Variants in CNBD1 observed in about 807,000 individuals in gnomAD.
CNBD1 encodes cyclic nucleotide binding domain containing 1.
CNBD1 carries 71 observed loss-of-function variants against 54.4 expected under a neutral mutation model. The observed-to-expected ratio is 1.30, with a 90% CI of 1.08 to 1.59. The LOEUF (loss-of-function observed/expected upper bound fraction) is 1.59, where lower values mean the gene tolerates loss of function less well. Among genes scored for constraint, CNBD1 ranks in the 40% most tolerant of loss-of-function variants. The probability of loss-of-function intolerance (pLI) is 0.00; values close to 1 mark genes in which losing one functional copy is unlikely to be tolerated. For synonymous variants in CNBD1, 182 were observed against 170.7 expected (o/e 1.07, Z -0.51); for missense variants, 659 against 518.0 (o/e 1.27, Z -2.64).
At chr8:87,321,132 T>C (rs1219081835) in intron 8 of CNBD1, among the ~76,000 whole-genome samples, 1 of 126,078 alleles carries the variant, frequency 7.9e-6, no homozygotes, top group Non-Finnish European at 1.8e-5. Flanking sequence ...TTGTGAATAA[T>C]GCTACAACAG....
intron 2 of CNBD1, among the ~76,000 whole-genome samples, chr8:87,395,520 T>C (rs942194183): frequency 6.6e-6 from 1 of 151,776 alleles, no homozygotes; most frequent in Non-Finnish European, 1.5e-5. Flanking sequence ...CTGAGTATAA[T>C]AGAAGTATAA....
At chr8:87,201,658 A>G (rs757770969) in intron 4 of CNBD1, among the ~76,000 whole-genome samples, 2 of 152,230 alleles carry the variant, frequency 1.3e-5, no homozygotes, top group African/African-American at 2.4e-5. Context: ...AAATGAATTT[A>G]AGAAAAATGT....
rs565567736 is a variant in CNBD1, at chr8:87,382,479, C to T, written c.1304-141C>T. The T allele has an allele frequency of 4.7e-5, 27 of 577,734 alleles. No individual in the cohort carries two copies. The South Asian group carries it at 7.1e-4, about 15-fold the overall frequency. 35.8% of individuals were successfully genotyped at this position (577,734 alleles called of 1,614,324 possible). A position where few individuals can be genotyped will look rare whatever the true frequency, so the allele number is the denominator to read the frequency against. On this transcript the variant is annotated intron_variant, in intron 10 of 10. Transcript: ENST00000518476. ...TGTTACATTATTTCTAGAATAAGCT[C>T]TGACAATATTATTTTTTTCTTTTAA...
chr8:87,224,752 T>C (rs1814437880), intron 5 of CNBD1, among the ~76,000 whole-genome samples: 1 of 151,048 alleles, frequency 6.6e-6, no homozygotes, highest in Admixed American at 6.6e-5. Context: ...ATATGAACTT[T>C]AAAGTAGTTT....
At chr8:86,960,409 A>T (rs191580489) in intron 4 of CNBD1, among the ~76,000 whole-genome samples, 1 of 152,202 alleles carries the variant, frequency 6.6e-6, no homozygotes, top group East Asian at 1.9e-4. Flanking sequence ...CTGAGATCGA[A>T]CTGCAAGGTG....
At chr8:87,394,825 G>A (rs4614015) in intron 2 of CNBD1, among the ~76,000 whole-genome samples, 22,864 of 151,568 alleles carry the variant, frequency 0.15, 2,104 homozygotes, top group Admixed American at 0.26. Flanking sequence ...TTTTTCTGCT[G>A]GTTTTTAAAA....
chr8:86,915,759 G>C (rs192168637), intron 3 of CNBD1, among the ~76,000 whole-genome samples: 1 of 152,330 alleles, frequency 6.6e-6, no homozygotes, highest in East Asian at 1.9e-4. Context: ...GCATTAGAGT[G>C]AATGTGCATT....
At chr8:87,033,592 A>C (rs1686314849) in intron 4 of CNBD1, among the ~76,000 whole-genome samples, 1 of 152,216 alleles carries the variant, frequency 6.6e-6, no homozygotes, top group African/African-American at 2.4e-5. Context: ...TGAATTGCAC[A>C]AAACTGTAGA....
At chr8:87,291,639 G>A (rs924610263) in intron 8 of CNBD1, among the ~76,000 whole-genome samples, 1 of 151,852 alleles carries the variant, frequency 6.6e-6, no homozygotes, top group Non-Finnish European at 1.5e-5. Flanking sequence ...TTTGTTAATC[G>A]CCTTATTTTT....
At chr8:86,948,688 T>C (rs1250230951) in intron 4 of CNBD1, among the ~76,000 whole-genome samples, 1 of 152,190 alleles carries the variant, frequency 6.6e-6, no homozygotes, top group Non-Finnish European at 1.5e-5. Flanking sequence ...AGTTTGCAAA[T>C]ATTTTCCCCC....
At chr8:87,405,275 C>T (rs1440815562) in intron 2 of CNBD1, among the ~76,000 whole-genome samples, 1 of 151,920 alleles carries the variant, frequency 6.6e-6, no homozygotes, top group Admixed American at 6.6e-5. Flanking sequence ...AATTTATATA[C>T]TTTTTATCAA....
intron 6 of CNBD1, among the ~76,000 whole-genome samples, chr8:87,269,555 G>C (rs950272174): frequency 6.6e-6 from 1 of 152,056 alleles, no homozygotes; most frequent in Non-Finnish European, 1.5e-5. Context: ...CCACGAGCAT[G>C]GAATATTTTT....
chr8:87,363,041 C>A (rs147314585), intron 10 of CNBD1, among the ~76,000 whole-genome samples: 2,843 of 152,046 alleles, frequency 0.019, 89 homozygotes, highest in African/African-American at 0.062. Flanking sequence ...GTGTGATGTT[C>A]CCCTCCCTGT....
intron 8 of CNBD1, among the ~76,000 whole-genome samples, chr8:87,329,370 G>T (rs1809765462): frequency 1.3e-5 from 2 of 151,972 alleles, no homozygotes; most frequent in Non-Finnish European, 2.9e-5. Flanking sequence ...CTTCAATATT[G>T]TATTGGCTAT....
intron 2 of CNBD1, among the ~76,000 whole-genome samples, chr8:87,413,019 T>G (rs950634378): frequency 4.6e-5 from 7 of 151,918 alleles, no homozygotes; most frequent in Non-Finnish European, 1.0e-4. Context: ...ACAACAGAAC[T>G]CGGGTTTAGG....
chr8:87,142,905 G>GTTATA (rs10680639), intron 4 of CNBD1, among the ~76,000 whole-genome samples: 1 of 152,026 alleles, frequency 6.6e-6, no homozygotes, highest in African/African-American at 2.4e-5. Context: ...TTCAACAAAT[G>GTTATA]TTGAGTTTCT....
chr8:87,041,584 G>A (rs549283469), intron 4 of CNBD1, among the ~76,000 whole-genome samples: 2 of 152,184 alleles, frequency 1.3e-5, no homozygotes, highest in African/African-American at 2.4e-5. Context: ...GGATCATGAG[G>A]TCAGGAGATC....
chr8:87,380,711 C>T (rs987765133), intron 10 of CNBD1, among the ~76,000 whole-genome samples: 9 of 151,880 alleles, frequency 5.9e-5, no homozygotes, highest in Non-Finnish European at 1.2e-4. Flanking sequence ...TTGTAGTTTT[C>T]AGTAAACAAG....
At chr8:87,240,720 AAAGG>A (rs1807679466) in intron 6 of CNBD1, among the ~76,000 whole-genome samples, 1 of 152,138 alleles carries the variant, frequency 6.6e-6, no homozygotes, top group South Asian at 2.1e-4. Flanking sequence ...GCTGGGAATT[AAAGG>A]CAAAATGGTA....
Sources: gnomAD v4.1 joint callset for allele counts (sites outside exome capture counted in the v4.1 genomes callset) on GRCh38, gnomAD v4.1.1 for gene constraint, MANE v1.5 for transcripts, NCBI Gene and HGNC (gene_info 2026-07-23, HGNC 2026-07-21) for gene names.